Variants in ATG4B observed in about 807,000 individuals in gnomAD.
The protein encoded by ATG4B is autophagy related 4B cysteine peptidase, also known as cysteine protease ATG4B.
A neutral mutation model predicts 56.6 loss-of-function variants in ATG4B; 29 were observed. The ratio of observed to expected loss-of-function variants is 0.51; its 90% CI spans 0.38 to 0.70. The LOEUF (loss-of-function observed/expected upper bound fraction) is 0.70, where lower values mean the gene tolerates loss of function less well. Ranked by LOEUF, ATG4B falls within the 30% of genes least tolerant of loss-of-function variation. The probability of loss-of-function intolerance (pLI) is 0.00; values close to 1 mark genes in which losing one functional copy is unlikely to be tolerated. For synonymous variants in ATG4B, 224 were observed against 206.1 expected (o/e 1.09, Z -0.74); for missense variants, 461 against 515.5 (o/e 0.89, Z 1.02).
chr2:241,659,500 T>G (rs937064271), intron 7 of ATG4B: 3 of 404,712 alleles, frequency 7.4e-6, no homozygotes, highest in Non-Finnish European at 9.9e-6. Context: ...GTGGGAATTC[T>G]GGTGAAGTTA....
Position 241,672,584 on chromosome 2 carries a change from C to T in ATG4B, c.*320C>T, listed in dbSNP as rs11538895. ...CTCAGTCCCACTTGCTCCCAGGCGC[C>T]GGTTCTGTGGTTGGTTTGGAATTAA... On this transcript the variant is annotated 3_prime_UTR_variant, in exon 13 of 13. Coordinates refer to ENST00000404914, the MANE Select transcript of ATG4B (RefSeq NM_013325.5). 0.027 allele frequency: 10,171 copies of T among 374,422 alleles called. 556 individuals are homozygous for T. Among genetic ancestry groups the T allele is most frequent in the East Asian group, 0.17 (3,463 of 19,860 alleles). 23.2% of individuals were successfully genotyped at this position (374,422 alleles called of 1,614,324 possible). A position where few individuals can be genotyped will look rare whatever the true frequency, so the allele number is the denominator to read the frequency against.
At chr2:241,660,351 TTCA>T (rs1443330285) in intron 7 of ATG4B, among the ~76,000 whole-genome samples, 1 of 152,198 alleles carries the variant, frequency 6.6e-6, no homozygotes. Flanking sequence ...ATTCTGTTTC[TTCA>T]TCGTCTGGCC....
intron 7 of ATG4B, among the ~76,000 whole-genome samples, chr2:241,663,265 A>G (rs2068647263): frequency 6.6e-6 from 1 of 152,156 alleles, no homozygotes; most frequent in Admixed American, 6.6e-5. Context: ...TAATAAAAAT[A>G]TATAGAAAAC....
intron 6 of ATG4B, among the ~76,000 whole-genome samples, chr2:241,655,664 G>A (rs943666311): frequency 6.6e-6 from 1 of 152,142 alleles, no homozygotes; most frequent in Non-Finnish European, 1.5e-5. Flanking sequence ...CGGGTGCCGG[G>A]CCCTTCCACC....
intron 4 of ATG4B, 130 bp from the exon 5 acceptor site, chr2:241,654,416 G>GT: frequency 1.7e-6 from 1 of 577,456 alleles, no homozygotes; most frequent in South Asian, 2.1e-5. Context: ...GCGAGACTCT[G>GT]TTTAAAAAAA....
At chr2:241,657,339 C>A (rs1168090958) in intron 6 of ATG4B, among the ~76,000 whole-genome samples, 1 of 147,708 alleles carries the variant, frequency 6.8e-6, no homozygotes, top group Admixed American at 6.9e-5. Context: ...GCTCTGTAGT[C>A]CAGGCTGGAG....
chr2:241,638,100 C>G (rs978550968), intron 1 of ATG4B, among the ~76,000 whole-genome samples: 21 of 151,790 alleles, frequency 1.4e-4, no homozygotes, highest in African/African-American at 4.6e-4. Context: ...GCGGTCCGGG[C>G]CGGGGACGCG....
chr2:241,653,461 C>T, intron 3 of ATG4B, 51 bp from the exon 4 acceptor site: 3 of 1,552,386 alleles, frequency 1.9e-6, no homozygotes, highest in Non-Finnish European at 2.6e-6. Context: ...GGGCTTGTGG[C>T]CTGTGGGGCC....
chr2:241,638,187 G>A (rs1284482388), intron 1 of ATG4B: 2 of 152,806 alleles, frequency 1.3e-5, no homozygotes, highest in African/African-American at 4.8e-5. Context: ...TGAAGTTATT[G>A]GTAGGTTGGA....
intron 1 of ATG4B, among the ~76,000 whole-genome samples, chr2:241,643,579 T>C (rs1446337409): frequency 6.7e-6 from 1 of 149,864 alleles, no homozygotes; most frequent in Non-Finnish European, 1.5e-5. Flanking sequence ...TTTATTTATG[T>C]ATATATGTAC....
intron 10 of ATG4B, 56 bp from the exon 11 acceptor site, chr2:241,670,670 T>C: frequency 6.6e-7 from 1 of 1,514,880 alleles, no homozygotes; most frequent in Non-Finnish European, 9.0e-7. Context: ...AGCCCCCACC[T>C]CTTAGCCGAC....
At chr2:241,647,006 A>C (rs959209823) in intron 1 of ATG4B, among the ~76,000 whole-genome samples, 2 of 151,146 alleles carry the variant, frequency 1.3e-5, no homozygotes, top group Non-Finnish European at 3.0e-5. Flanking sequence ...CTGGTCTCCA[A>C]CTCCTGACCT....
intron 1 of ATG4B, among the ~76,000 whole-genome samples, chr2:241,647,196 T>G (rs1036795564): frequency 6.6e-6 from 1 of 152,244 alleles, no homozygotes; most frequent in African/African-American, 2.4e-5. Flanking sequence ...CAGTGTTCAT[T>G]TAGCTCTGCT....
intron 1 of ATG4B, among the ~76,000 whole-genome samples, chr2:241,641,935 G>A (rs1036492668): frequency 1.3e-5 from 2 of 152,132 alleles, no homozygotes; most frequent in Non-Finnish European, 2.9e-5. Flanking sequence ...GCAGGTGCCA[G>A]CACTTAAATA....
intron 11 of ATG4B, 103 bp downstream of exon 11, chr2:241,670,885 C>T: frequency 1.6e-6 from 2 of 1,238,252 alleles, no homozygotes; most frequent in Non-Finnish European, 2.3e-6. Flanking sequence ...CAGGCAGCCT[C>T]ACTGGGCCGT....
In ATG4B at chr2:241,672,132, G is replaced by T. The variant is rs34859751; in HGVS notation, c.1109-59G>T. On this transcript the variant is annotated intron_variant, in intron 12 of 12. Transcript: ENST00000404914. ...AGTCTGCCCCACGCCAAGGGCCCTT[G>T]ACTCACACCCAGGTGGCCCACCCAA... is the stretch of plus-strand genomic sequence containing the variant. 1 of 1,547,968 alleles carries T rather than the reference G, an allele frequency of 6.5e-7. No individual in the cohort carries two copies. The highest frequency in any genetic ancestry group is 1.2e-5 in the South Asian group (1 of 83,792).
intron 1 of ATG4B, 122 bp downstream of exon 1, chr2:241,637,846 C>G: frequency 3.4e-6 from 3 of 891,848 alleles, no homozygotes; most frequent in Non-Finnish European, 2.8e-6. Flanking sequence ...CAGGCTGGGC[C>G]GGGGCGGCGG....
chr2:241,671,895 G>A (rs2125152248), intron 12 of ATG4B: 2 of 1,332,700 alleles, frequency 1.5e-6, no homozygotes, highest in Non-Finnish European at 1.9e-6. Context: ...CAAGGCAATG[G>A]CAATGGAACC....
chr2:241,641,105 G>A lies in ATG4B; in HGVS notation c.10+3381G>A, dbSNP rs895877674. Among the ~76,000 whole-genome samples, 7 of 152,246 alleles carry A rather than the reference G, an allele frequency of 4.6e-5. No individual in the cohort carries two copies. The South Asian group carries it at 8.3e-4, about 18-fold the overall frequency. The stretch of plus-strand genomic sequence containing the variant: ...ACAAGCCAGCAAGGAGATGCCAGTG[G>A]ATTAGCTCAGGGTGGGTAAGAGGTT... On this transcript the variant is annotated intron_variant, in intron 1 of 12. Coordinates refer to ENST00000404914, the MANE Select transcript of ATG4B (RefSeq NM_013325.5).
Sources: allele counts gnomAD v4.1 joint callset (sites outside exome capture counted in the v4.1 genomes callset), GRCh38; gene constraint gnomAD v4.1.1; transcripts MANE v1.5; gene names NCBI Gene and HGNC (gene_info 2026-07-23, HGNC 2026-07-21).